The following KMT2C variants were observed in gnomAD, a reference collection of about 807,000 sequenced individuals.
KMT2C encodes histone-lysine N-methyltransferase 2C.
KMT2C carries 88 observed loss-of-function variants against 507.9 expected under a neutral mutation model. The observed-to-expected ratio is 0.17, with a 90% CI of 0.15 to 0.21. The LOEUF is 0.21. Ranked by LOEUF, KMT2C falls within the 10% of genes least tolerant of loss-of-function variation. The probability of loss-of-function intolerance (pLI) is 1.00; values close to 1 mark genes in which losing one functional copy is unlikely to be tolerated. For missense variants in KMT2C, 4,954 were observed against 5,957.8 expected, an observed-to-expected ratio of 0.83 and a Z score of 5.55; for synonymous variants, 2,049 against 2,080.8, an observed-to-expected ratio of 0.98 and a Z score of 0.42.
chr7:152,304,142 C>G (rs2096595287), intron 6 of KMT2C, among the ~76,000 whole-genome samples: 1 of 152,068 alleles, frequency 6.6e-6, no homozygotes, highest in Non-Finnish European at 1.5e-5. Flanking sequence ...GTATCTCATT[C>G]CCTTCCATTT....
rs2129121475 is a variant in KMT2C at position 152,183,027 on chromosome 7, C to G, written c.5212G>C (p.Asp1738His). The G allele has an allele frequency of 6.2e-7, 1 of 1,609,550 alleles. No homozygotes were observed. Among genetic ancestry groups the G allele is most frequent in the Non-Finnish European group, 8.5e-7 (1 of 1,178,698 alleles). The change falls in exon 35 of 59, where the codon GAT becomes CAT. Residue 1738 changes from aspartate to histidine, a missense_variant. By Grantham distance (81) the Asp-to-His change is moderately conservative. Transcript: ENST00000262189. ...SSRIDSELFK[D>H]PLKQRESEHE... The stretch of plus-strand genomic sequence containing the variant: ...TCTGATTCTCTTTGCTTTAAAGGAT[C>G]TTTAAAAAGCTCCGAATCAATACGA...
intron 37 of KMT2C, among the ~76,000 whole-genome samples, chr7:152,179,489 T>C (rs1411760693): frequency 1.3e-5 from 2 of 152,234 alleles, no homozygotes; most frequent in Non-Finnish European, 2.9e-5. Flanking sequence ...TTTCAGAGTC[T>C]GTAGAGTTCT....
Position 152,162,330 on chromosome 7 carries a change from T to C in KMT2C, c.11247A>G (p.Val3749=). The C allele has an allele frequency of 6.2e-7, 1 of 1,614,244 alleles. No individual in the cohort carries two copies. Among genetic ancestry groups the C allele is most frequent in the East Asian group, 2.2e-5 (1 of 44,888 alleles). Residue 3749 remains valine (V), a synonymous_variant, in exon 43 of 59, where the codon GTA becomes GTG. Transcript: ENST00000262189. ...TCTGTGCTGAGGAGACAGGACAGGCTACAGCGTTTCCTTCTACCTTACTAC... is the reference window on the plus strand; with the variant it reads ...TCTGTGCTGAGGAGACAGGACAGGCCACAGCGTTTCCTTCTACCTTACTAC... ...QNGSKVEGNA[V]ACPVSSAQSP... is the part of the protein sequence containing the mutation.
intron 1 of KMT2C, among the ~76,000 whole-genome samples, chr7:152,427,583 TA>T (rs1329537454): frequency 6.6e-6 from 1 of 152,236 alleles, no homozygotes; most frequent in Non-Finnish European, 1.5e-5. Context: ...TCTCTACTAC[TA>T]ATACTGCTGC....
rs1211007864 is a variant in KMT2C, at chr7:152,136,626, G to A, written c.*206C>T. On this transcript the variant is annotated 3_prime_UTR_variant, in exon 59 of 59. Coordinates refer to ENST00000262189, the MANE Select transcript of KMT2C (RefSeq NM_170606.3). ...CCATTCTGTGATTCCGTTTAACCTC[G>A]GCCACTTCAGGAACGCTGCTTCTGT... The A allele has an allele frequency of 6.9e-5, 38 of 553,090 alleles. No homozygotes were observed. Among genetic ancestry groups the A allele is most frequent in the Admixed American group, 3.2e-4 (10 of 31,080 alleles). 34.3% of individuals were successfully genotyped at this position (553,090 alleles called of 1,614,324 possible). A position where few individuals can be genotyped will look rare whatever the true frequency, so the allele number is the denominator to read the frequency against.
chr7:152,284,535 T>A (rs1376177136), intron 6 of KMT2C, among the ~76,000 whole-genome samples: 1 of 152,150 alleles, frequency 6.6e-6, no homozygotes, highest in Non-Finnish European at 1.5e-5. Context: ...AACAGCATAA[T>A]TTTTTCAACT....
Position 152,181,558 on chromosome 7 carries a change from G to C in KMT2C, c.6302C>G (p.Pro2101Arg), listed in dbSNP as rs2093435062. Residue 2101 changes from proline to arginine, a missense_variant, in exon 36 of 59, where the codon CCA (proline) becomes CGA (arginine). Physicochemically the swap from Pro to Arg is moderately radical, Grantham distance 103. Around this residue, in one of 29 missense-constraint regions of KMT2C, gnomAD observed 1,689 missense variants for 1,654.3 expected, o/e 1.02. Transcript: ENST00000262189. The part of the protein sequence containing the change: ...NDPYSQPPLT[P>R]HPAVNESFAH... ...AAAAGATTCATTCACTGCTGGATGTGGGGTAAGGGGAGGCTGACTATATGG... is the reference window on the plus strand; with the variant it reads ...AAAAGATTCATTCACTGCTGGATGTCGGGTAAGGGGAGGCTGACTATATGG... 6.2e-7 allele frequency: 1 copy of C among 1,613,938 alleles called. No individual in the cohort carries two copies. Among genetic ancestry groups the C allele is most frequent in the Admixed American group, 1.7e-5 (1 of 59,994 alleles).
chr7:152,192,032 C>CAAAAG (rs1227580888), intron 31 of KMT2C, among the ~76,000 whole-genome samples: 1 of 140,068 alleles, frequency 7.1e-6, no homozygotes, highest in African/African-American at 2.7e-5. Context: ...TAACACCTTG[C>CAAAAG]AAAAGAAAAA....
At chr7:152,358,706 TAG>T (rs914808636) in intron 1 of KMT2C, 31 bp from the exon 2 acceptor site, 1 of 1,332,194 alleles carries the variant, frequency 7.5e-7, no homozygotes, top group Non-Finnish European at 1.1e-6. Flanking sequence ...AATAAGTACA[TAG>T]AGTTAAATGT....
intron 1 of KMT2C, among the ~76,000 whole-genome samples, chr7:152,426,351 T>C (rs1007574083): frequency 6.8e-6 from 1 of 147,210 alleles, no homozygotes; most frequent in African/African-American, 2.5e-5. Flanking sequence ...AATCCTCCCA[T>C]CTCAGCCTCC....
chr7:152,147,148 T>C (rs1231716272), intron 52 of KMT2C, among the ~76,000 whole-genome samples: 1 of 152,100 alleles, frequency 6.6e-6, no homozygotes, highest in East Asian at 1.9e-4. Context: ...ATCTTTAGAG[T>C]ATTTTCAGAC....
At chr7:152,305,965 T>A (rs913077533) in intron 6 of KMT2C, among the ~76,000 whole-genome samples, 6 of 152,148 alleles carry the variant, frequency 3.9e-5, no homozygotes, top group African/African-American at 1.4e-4. Flanking sequence ...CTATGCCCTC[T>A]CAGGGGATAG....
chr7:152,360,032 G>A (rs2097183071), intron 1 of KMT2C, among the ~76,000 whole-genome samples: 1 of 97,246 alleles, frequency 1.0e-5, no homozygotes, highest in Non-Finnish European at 1.8e-5. Context: ...CTGGGCGACA[G>A]AGTGAGACTG....
chr7:152,291,835 T>C (rs1293108975), intron 6 of KMT2C, among the ~76,000 whole-genome samples: 4 of 152,278 alleles, frequency 2.6e-5, no homozygotes, highest in Non-Finnish European at 5.9e-5. Context: ...GAAAGGCTAA[T>C]AGTCTTTTTT....
chr7:152,229,556 G>A (rs1430802575), intron 18 of KMT2C, among the ~76,000 whole-genome samples: 7 of 152,090 alleles, frequency 4.6e-5, no homozygotes, highest in African/African-American at 9.7e-5. Context: ...GAGAGAATGC[G>A]GGAAAGAACA....
At chr7:152,429,520 CTT>C (rs59949422) in intron 1 of KMT2C, among the ~76,000 whole-genome samples, 1 of 146,456 alleles carries the variant, frequency 6.8e-6, no homozygotes, top group Non-Finnish European at 1.5e-5. Flanking sequence ...TGGTCTATTA[CTT>C]TTTTTTTTTT....
At chr7:152,154,558 C>T (rs955436607) in intron 46 of KMT2C, 113 bp from the exon 47 acceptor site, 3 of 805,088 alleles carry the variant, frequency 3.7e-6, no homozygotes, top group Non-Finnish European at 3.9e-6. Flanking sequence ...TGGGCAGCAC[C>T]TATACGATGA....
intron 6 of KMT2C, among the ~76,000 whole-genome samples, chr7:152,294,271 GA>G (rs1448626781): frequency 6.6e-6 from 1 of 152,164 alleles, no homozygotes; most frequent in African/African-American, 2.4e-5. Context: ...ACATTGTGAT[GA>G]AATAATCCAT....
intron 2 of KMT2C, among the ~76,000 whole-genome samples, chr7:152,338,914 C>T (rs1190739765): frequency 2.6e-5 from 4 of 152,180 alleles, no homozygotes; most frequent in Non-Finnish European, 5.9e-5. Context: ...TTTTTAAGCA[C>T]TGCTGAATAA....
Sources: allele counts gnomAD v4.1 joint callset (sites outside exome capture counted in the v4.1 genomes callset), GRCh38; gene constraint gnomAD v4.1.1; regional missense constraint gnomAD v4.1.1; transcripts MANE v1.5; gene names NCBI Gene and HGNC (gene_info 2026-07-23, HGNC 2026-07-21).